MYO1H: variants seen among roughly 807,000 people sequenced by gnomAD.
MYO1H encodes unconventional myosin-Ih.
Under a neutral mutation model 149.3 loss-of-function variants are expected in MYO1H, and 118 were observed. The observed-to-expected ratio is 0.79, with a 90% CI of 0.68 to 0.92. MYO1H has a LOEUF of 0.92. Among genes scored for constraint, MYO1H ranks in the 40% least tolerant of loss-of-function variants. The probability of loss-of-function intolerance (pLI) is 0.00; values close to 1 mark genes in which losing one functional copy is unlikely to be tolerated. For synonymous variants in MYO1H, 447 were observed against 465.2 expected (o/e 0.96, Z 0.50); for missense variants, 1,212 against 1,280.7 (o/e 0.95, Z 0.82).
At chr12:109,432,181 T>G (rs940907608) in intron 19 of MYO1H, among the ~76,000 whole-genome samples, 2 of 151,944 alleles carry the variant, frequency 1.3e-5, no homozygotes, top group African/African-American at 4.8e-5. Context: ...TTGTTTTGTA[T>G]TTTTAGTAGA....
Position 109,366,875 on chromosome 12 carries a change from G to A in MYO1H, c.12+18903G>A, listed in dbSNP as rs368784877. ...CCAGATCCAAAAATGCAAAATGCCC[G>A]CAAATCCGAAACTTTATGAGTGCCC... On this transcript the variant is annotated intron_variant, in intron 1 of 31. Transcript: ENST00000310903. Among the ~76,000 whole-genome samples the A allele has an allele frequency of 2.4e-4, 36 of 152,224 alleles. 2 individuals are homozygous for A. In the South Asian group the frequency reaches 5.4e-3, roughly 23 times the overall value.
At chr12:109,379,057 C>T (rs1463737963) in intron 1 of MYO1H, among the ~76,000 whole-genome samples, 2 of 152,134 alleles carry the variant, frequency 1.3e-5, no homozygotes, top group Non-Finnish European at 2.9e-5. Context: ...GAGTACTAGG[C>T]ACTGGTCACC....
chr12:109,436,870 C>T (rs1871881772), intron 22 of MYO1H, among the ~76,000 whole-genome samples: 2 of 152,278 alleles, frequency 1.3e-5, no homozygotes, highest in South Asian at 4.1e-4. Context: ...GCGTGGATTA[C>T]TTGAGCTCAA....
chr12:109,428,830 T>C (rs1871494102), intron 19 of MYO1H, among the ~76,000 whole-genome samples: 2 of 152,184 alleles, frequency 1.3e-5, no homozygotes, highest in South Asian at 4.1e-4. Flanking sequence ...CACTTGATGT[T>C]CCCATCTACC....
At chr12:109,416,187 G>T (rs562297814) in intron 15 of MYO1H, among the ~76,000 whole-genome samples, 1 of 152,046 alleles carries the variant, frequency 6.6e-6, no homozygotes, top group South Asian at 2.1e-4. Flanking sequence ...CTCCCAAAGT[G>T]CTGGGATTAC....
At chr12:109,317,308 G>A in the MYO1H span, among the ~76,000 whole-genome samples, 4 of 152,146 alleles carry the variant, frequency 2.6e-5, no homozygotes, top group African/African-American at 7.2e-5. Context: ...CAAGTAATAA[G>A]TCTGTTTCTA....
chr12:109,423,227 C>G (rs1007247745), intron 16 of MYO1H, among the ~76,000 whole-genome samples: 2 of 152,120 alleles, frequency 1.3e-5, no homozygotes, highest in African/African-American at 4.8e-5. Context: ...GGCATGATCT[C>G]AACTCACTGC....
At chr12:109,426,140 C>T in intron 18 of MYO1H, 89 bp downstream of exon 18, 1 of 845,012 alleles carries the variant, frequency 1.2e-6, no homozygotes, top group Non-Finnish European at 2.0e-6. Flanking sequence ...CTAAACACCA[C>T]CACAAGCTTG....
chr12:109,425,915 G>A (rs773277528), intron 17 of MYO1H, 31 bp from the exon 18 acceptor site: 31 of 1,357,066 alleles, frequency 2.3e-5, no homozygotes, highest in Middle Eastern at 1.8e-4. Context: ...TCTCTGGCTC[G>A]TTCTCTCTCT....
intron 3 of MYO1H, 93 bp downstream of exon 3, chr12:109,393,539 T>TCATCCAACCATTCATCCATC (rs1555250731): frequency 4.4e-6 from 3 of 680,978 alleles, no homozygotes; most frequent in Admixed American, 4.6e-5. Context: ...GTCCATCCAT[T>TCATCCAACCATTCATCCATC]CATCCATCCA....
At chr12:109,321,422 G>A in the MYO1H span, among the ~76,000 whole-genome samples, 1 of 151,702 alleles carries the variant, frequency 6.6e-6, no homozygotes, top group Admixed American at 6.6e-5. Flanking sequence ...GTGTGGTGAC[G>A]GGCGCCTGTA....
chr12:109,393,542 T>TCCAA (rs879135669), intron 3 of MYO1H, 96 bp downstream of exon 3: 15 of 558,480 alleles, frequency 2.7e-5, no homozygotes, highest in South Asian at 4.4e-5. Context: ...CATCCATTCA[T>TCCAA]CCATCCATCC....
Position 109,364,171 on chromosome 12 carries a change from TAAAAAAAAAAAAAAAAA to T in MYO1H, c.12+16210_12+16226del, listed in dbSNP as rs746308903. Among the ~76,000 whole-genome samples the T allele has an allele frequency of 3.3e-5, 3 of 90,266 alleles. No homozygotes were observed. In the East Asian group the frequency reaches 1.0e-3, roughly 30 times the overall value. 59.2% of individuals were successfully genotyped at this position (90,266 alleles called of 152,430 possible). On this transcript the variant is annotated intron_variant, in intron 1 of 31. Coordinates refer to ENST00000310903, the Ensembl canonical transcript of MYO1H. ...GGGCAACAGAGAGAGACCATGTCTT[TAAAAAAAAAAAAAAAAA>T]AAAAAAAAAAGAAGTGGGAACAGCA...
intron 1 of MYO1H, among the ~76,000 whole-genome samples, chr12:109,375,491 T>C (rs1869070127): frequency 6.6e-6 from 1 of 152,152 alleles, no homozygotes; most frequent in African/African-American, 2.4e-5. Flanking sequence ...TTTGCCACCA[T>C]CCTATTTTTA....
chr12:109,378,655 G>C (rs994823453), intron 1 of MYO1H, among the ~76,000 whole-genome samples: 1 of 152,160 alleles, frequency 6.6e-6, no homozygotes, highest in Non-Finnish European at 1.5e-5. Context: ...ATGGATGAGG[G>C]TTCTAAATTG....
intron 4 of MYO1H, among the ~76,000 whole-genome samples, chr12:109,397,170 C>A (rs1869952975): frequency 6.6e-6 from 1 of 152,058 alleles, no homozygotes; most frequent in South Asian, 2.1e-4. Context: ...GCACAAAAAA[C>A]ACACAGCAGA....
the MYO1H span, among the ~76,000 whole-genome samples, chr12:109,318,966 GGTTTTGTTT>G: frequency 1.1e-4 from 7 of 61,238 alleles, no homozygotes; most frequent in East Asian, 3.4e-3. Context: ...CTGCGTTTTT[GGTTTTGTTT>G]TTTTTTTTTT....
At position 109,361,188 on chromosome 12, in the gene MYO1H, C is replaced by T. The variant is rs147022316; in HGVS notation, c.12+13216C>T. ...TTTTAAAAGGCTTATTATTGTAGGACATAACCCACACACTGAAAAGTGCAT... is the reference window on the plus strand; with the variant it reads ...TTTTAAAAGGCTTATTATTGTAGGATATAACCCACACACTGAAAAGTGCAT... On this transcript the variant is annotated intron_variant, in intron 1 of 31. Coordinates refer to ENST00000310903, the Ensembl canonical transcript of MYO1H. Among the ~76,000 whole-genome samples, 195 of 152,284 alleles carry T rather than the reference C, an allele frequency of 1.3e-3. 5 individuals carry two copies. The highest frequency in any genetic ancestry group is 9.7e-3 in the Admixed American group (149 of 15,296).
chr12:109,426,727 G>A (rs1871364614), intron 18 of MYO1H, among the ~76,000 whole-genome samples: 1 of 152,038 alleles, frequency 6.6e-6, no homozygotes, highest in Non-Finnish European at 1.5e-5. Flanking sequence ...CTCTTGCCAT[G>A]GTCTATAATA....
Sources: allele counts gnomAD v4.1 joint callset (sites outside exome capture counted in the v4.1 genomes callset), GRCh38; gene constraint gnomAD v4.1.1; transcripts MANE v1.5; gene names NCBI Gene and HGNC (gene_info 2026-07-23, HGNC 2026-07-21).